Variants in PXDNL observed in about 807,000 individuals in gnomAD.
PXDNL encodes the protein probable oxidoreductase PXDNL.
PXDNL carries 145 observed loss-of-function variants against 150.8 expected under a neutral mutation model. The observed-to-expected ratio is 0.96, with a 90% CI of 0.84 to 1.10. The LOEUF (loss-of-function observed/expected upper bound fraction) is 1.10, where lower values mean the gene tolerates loss of function less well. PXDNL is among the 50% of genes least tolerant of loss of function. The probability of loss-of-function intolerance (pLI) is 0.00; values close to 1 mark genes in which losing one functional copy is unlikely to be tolerated. For missense variants in PXDNL, 2,087 were observed against 1,873.9 expected, an observed-to-expected ratio of 1.11 and a Z score of -2.10; for synonymous variants, 757 against 725.7, an observed-to-expected ratio of 1.04 and a Z score of -0.69.
At chr8:51,382,292 T>C (rs1163189768) in intron 17 of PXDNL, among the ~76,000 whole-genome samples, 1 of 142,246 alleles carries the variant, frequency 7.0e-6, no homozygotes, top group Non-Finnish European at 1.5e-5. Context: ...CAAAGGATTC[T>C]CTCCTCCAAG....
At chr8:51,351,757 G>A (rs1367817) in intron 19 of PXDNL, among the ~76,000 whole-genome samples, 114,285 of 152,100 alleles carry the variant, frequency 0.75, 43,322 homozygotes, top group East Asian at 0.94. Flanking sequence ...AATCTGTGTT[G>A]GCAGAACTCA....
At chr8:51,754,504 G>A (rs1263841750) in intron 1 of PXDNL, among the ~76,000 whole-genome samples, 1 of 112,948 alleles carries the variant, frequency 8.9e-6, no homozygotes, top group African/African-American at 2.6e-5. Context: ...TGAAAGTCAA[G>A]TCATTTCTTT....
intron 1 of PXDNL, among the ~76,000 whole-genome samples, chr8:51,754,669 A>C (rs1258760745): frequency 6.6e-6 from 1 of 151,914 alleles, no homozygotes; most frequent in African/African-American, 2.4e-5. Context: ...ATGCCCGGCT[A>C]ATTTTTTGTA....
At chr8:51,792,201 G>A (rs752192650) in intron 1 of PXDNL, among the ~76,000 whole-genome samples, 5 of 151,920 alleles carry the variant, frequency 3.3e-5, no homozygotes, top group South Asian at 2.1e-4. Context: ...TGAAAATGGC[G>A]AGTGAATCCT....
At position 51,371,997 on chromosome 8, in the gene PXDNL, G is replaced by A. The variant is rs780324790; in HGVS notation, c.3777C>T (p.Asp1259=). Residue 1259 remains aspartate, a synonymous_variant, in exon 19 of 23, where the codon GAC becomes GAT. Coordinates refer to ENST00000356297, the MANE Select transcript of PXDNL (RefSeq NM_144651.5). ...GCACTTGCTGAATGCTGTCACCATTGTCACAAAGCACCCGGCTCAGGGACG... is the reference window on the plus strand; with the variant it reads ...GCACTTGCTGAATGCTGTCACCATTATCACAAAGCACCCGGCTCAGGGACG... The part of the protein sequence containing the change: ...KQASLSRVLC[D]NGDSIQQVQA... The A allele has an allele frequency of 3.1e-6, 5 of 1,613,426 alleles. No homozygotes were observed. Among genetic ancestry groups the A allele is most frequent in the South Asian group, 1.1e-5 (1 of 90,966 alleles).
intron 4 of PXDNL, among the ~76,000 whole-genome samples, chr8:51,526,245 C>T (rs1811768154): frequency 6.6e-6 from 1 of 152,110 alleles, no homozygotes; most frequent in Non-Finnish European, 1.5e-5. Flanking sequence ...GTGCCACCTT[C>T]AGGGCACAGA....
intron 17 of PXDNL, among the ~76,000 whole-genome samples, chr8:51,390,572 G>C (rs951437171): frequency 1.3e-5 from 2 of 151,898 alleles, no homozygotes; most frequent in African/African-American, 2.4e-5. Context: ...CTATAAATTT[G>C]CATGATAACA....
At chr8:51,520,556 T>C (rs1811641790) in intron 4 of PXDNL, among the ~76,000 whole-genome samples, 1 of 151,966 alleles carries the variant, frequency 6.6e-6, no homozygotes, top group African/African-American at 2.4e-5. Context: ...TCCTCCCACC[T>C]ATGCTAATAA....
intron 3 of PXDNL, among the ~76,000 whole-genome samples, chr8:51,591,853 C>A (rs1361554275): frequency 6.6e-6 from 1 of 152,168 alleles, no homozygotes; most frequent in Non-Finnish European, 1.5e-5. Flanking sequence ...CTCCTGACCT[C>A]GTGATCCGCC....
chr8:51,569,348 T>A (rs1208695508), intron 3 of PXDNL, among the ~76,000 whole-genome samples: 1 of 152,004 alleles, frequency 6.6e-6, no homozygotes, highest in Non-Finnish European at 1.5e-5. Flanking sequence ...TTTGCTTTCC[T>A]GCATGCTTGC....
rs1229381656 is a variant in PXDNL, at chr8:51,408,503, T to C, written c.3121A>G (p.Asn1041Asp). The C allele has an allele frequency of 1.2e-6, 2 of 1,613,376 alleles. No homozygotes were observed. The highest frequency in any genetic ancestry group is 1.7e-6 in the Non-Finnish European group (2 of 1,179,644). Residue 1041 changes from asparagine (N) to aspartate (D), a missense_variant, in exon 17 of 23, where the codon AAT (asparagine) becomes GAT (aspartate). Physicochemically the swap from Asn to Asp is conservative, Grantham distance 23. Transcript: ENST00000356297. ...RGYRGYNPNV[N>D]AGIINSFATA... ...GCAAAAGAGTTAATGATGCCTGCAT[T>C]CACGTTGGGGTTGTAGCCTCGGTAA...
At chr8:51,346,950 G>A (rs1806180594) in intron 19 of PXDNL, among the ~76,000 whole-genome samples, 1 of 152,018 alleles carries the variant, frequency 6.6e-6, no homozygotes. Context: ...AATTTCATAT[G>A]AAAACAGATG....
At chr8:51,594,156 A>G (rs1039981163) in intron 2 of PXDNL, among the ~76,000 whole-genome samples, 8 of 152,170 alleles carry the variant, frequency 5.3e-5, no homozygotes, top group African/African-American at 1.9e-4. Flanking sequence ...ACATGCACCA[A>G]TGCATGTAGA....
chr8:51,465,186 A>T (rs1038873277), intron 8 of PXDNL, among the ~76,000 whole-genome samples: 1 of 152,182 alleles, frequency 6.6e-6, no homozygotes, highest in African/African-American at 2.4e-5. Context: ...CCAGCAGTAC[A>T]TCAGAAAGTT....
chr8:51,471,050 C>A (rs1810318098), intron 8 of PXDNL, among the ~76,000 whole-genome samples: 1 of 140,242 alleles, frequency 7.1e-6, no homozygotes, highest in African/African-American at 2.9e-5. Flanking sequence ...AGTGAACAGG[C>A]AACCTACAGA....
chr8:51,575,110 A>G (rs994461899), intron 3 of PXDNL, among the ~76,000 whole-genome samples: 3 of 152,076 alleles, frequency 2.0e-5, no homozygotes, highest in African/African-American at 7.2e-5. Flanking sequence ...AGTTAAGACA[A>G]TTATATTATA....
chr8:51,575,126 G>A (rs1319218066), intron 3 of PXDNL, among the ~76,000 whole-genome samples: 1 of 151,930 alleles, frequency 6.6e-6, no homozygotes, highest in East Asian at 1.9e-4. Flanking sequence ...TTATAAATCA[G>A]GGAGGGTAAA....
intron 3 of PXDNL, among the ~76,000 whole-genome samples, chr8:51,565,128 T>A (rs1010263352): frequency 3.3e-5 from 5 of 151,736 alleles, no homozygotes; most frequent in African/African-American, 1.2e-4. Context: ...AATCCAAAAC[T>A]TTTTAAGTGC....
intron 12 of PXDNL, among the ~76,000 whole-genome samples, chr8:51,438,780 G>T (rs1809470457): frequency 6.6e-6 from 1 of 152,114 alleles, no homozygotes; most frequent in Non-Finnish European, 1.5e-5. Flanking sequence ...AATACTTATG[G>T]CCCACTGATC....
Sources: allele counts gnomAD v4.1 joint callset (sites outside exome capture counted in the v4.1 genomes callset), GRCh38; gene constraint gnomAD v4.1.1; transcripts MANE v1.5; gene names NCBI Gene and HGNC (gene_info 2026-07-23, HGNC 2026-07-21).